STAB2: variants seen among roughly 807,000 people sequenced by gnomAD.
STAB2 encodes the protein stabilin 2, also known as stabilin-2.
Under a neutral mutation model 338.1 loss-of-function variants are expected in STAB2, and 288 were observed. The observed-to-expected ratio is 0.85, with a 90% CI of 0.77 to 0.94. The LOEUF (loss-of-function observed/expected upper bound fraction) is 0.94. Among genes scored for constraint, STAB2 ranks in the 40% least tolerant of loss-of-function variants. The pLI, the probability that STAB2 is intolerant of heterozygous loss-of-function variation, is 0.00. For missense variants in STAB2, 3,141 were observed against 3,210.1 expected, an observed-to-expected ratio of 0.98 and a Z score of 0.52; for synonymous variants, 1,202 against 1,193.3, an observed-to-expected ratio of 1.01 and a Z score of -0.15.
chr12:103,605,467 C>A (rs889492819), intron 3 of STAB2, among the ~76,000 whole-genome samples: 11 of 151,872 alleles, frequency 7.2e-5, no homozygotes, highest in Non-Finnish European at 1.5e-4. Context: ...CTTTTCTATA[C>A]TTAATAATTG....
At chr12:103,629,693 G>A (rs116847263) in intron 5 of STAB2, among the ~76,000 whole-genome samples, 321 of 152,314 alleles carry the variant, frequency 2.1e-3, no homozygotes, top group Non-Finnish European at 4.1e-3. Flanking sequence ...ACCTGGCATG[G>A]TCTTCCCTGG....
chr12:103,643,523 C>T (rs1458196585), intron 9 of STAB2, among the ~76,000 whole-genome samples: 1 of 152,090 alleles, frequency 6.6e-6, no homozygotes. Flanking sequence ...TCTGATGCCC[C>T]TCCCTCTGGG....
At chr12:103,662,529 G>A (rs562069623) in intron 17 of STAB2, among the ~76,000 whole-genome samples, 46 of 152,298 alleles carry the variant, frequency 3.0e-4, no homozygotes, top group Non-Finnish European at 5.4e-4. Context: ...ACCAGAGAGA[G>A]GTCAAAGAAT....
chr12:103,640,028 T>A, intron 8 of STAB2, 95 bp from the exon 9 acceptor site: 1 of 1,449,568 alleles, frequency 6.9e-7, no homozygotes, highest in Non-Finnish European at 9.3e-7. Flanking sequence ...TCTGAGTGAG[T>A]TTTTATGGAA....
chr12:103,642,566 G>A (rs2138701068), intron 9 of STAB2, among the ~76,000 whole-genome samples: 1 of 152,322 alleles, frequency 6.6e-6, no homozygotes, highest in African/African-American at 2.4e-5. Flanking sequence ...ATTCTCAGAT[G>A]GATCTAGTTT....
In STAB2 at chr12:103,737,742, G is replaced by C; in HGVS notation, c.5659G>C (p.Gly1887Arg). Reference protein sequence around the residue: ...IDCLLIDPTLGGRCDTFTTFD... With the variant: ...IDCLLIDPTLRGRCDTFTTFD... ...CTGTCTGCTGATTGATCCCACCCTG[G>C]GGGGCCGCTGTGACACCTTTACTAC... The change falls in exon 53 of 69, where the codon GGG becomes CGG. Residue 1887 changes from glycine (G) to arginine (R), a missense_variant. Physicochemically the swap from Gly to Arg is moderately radical, Grantham distance 125. Transcript: ENST00000388887. The C allele has an allele frequency of 1.2e-6, 2 of 1,613,886 alleles. No homozygotes were observed. The highest frequency in any genetic ancestry group is 1.7e-6 in the Non-Finnish European group (2 of 1,179,974).
At chr12:103,631,434 T>A in intron 5 of STAB2, among the ~76,000 whole-genome samples, 164 bp from the exon 6 acceptor site, 1 of 52,062 alleles carries the variant, frequency 1.9e-5, no homozygotes. Context: ...TATCCATATG[T>A]TAAACTTAAA....
chr12:103,631,711 C>T lies in STAB2; in HGVS notation c.583+18C>T. Reference sequence around the variant, plus strand: ...TGACAAGCGTAAGTACTGCTAGTTCCCTTAATGCCACACCAGATCAAACAG... The same window carrying T: ...TGACAAGCGTAAGTACTGCTAGTTCTCTTAATGCCACACCAGATCAAACAG... On this transcript the variant is annotated intron_variant, in intron 6 of 68. Coordinates refer to ENST00000388887, the MANE Select transcript of STAB2 (RefSeq NM_017564.10). The T allele has an allele frequency of 6.2e-7, 1 of 1,609,772 alleles. No homozygotes were observed. The highest frequency in any genetic ancestry group is 8.5e-7 in the Non-Finnish European group (1 of 1,176,048).
At position 103,728,908 on chromosome 12, in the gene STAB2, C is replaced by T; in HGVS notation, c.4995C>T (p.Ala1665=). The T allele has an allele frequency of 6.2e-7, 1 of 1,613,980 alleles. No individual in the cohort carries two copies. Among genetic ancestry groups the T allele is most frequent in the Non-Finnish European group, 8.5e-7 (1 of 1,179,878 alleles). The change falls in exon 48 of 69, where the codon GCC becomes GCT. Residue 1665 remains alanine, a synonymous_variant. Transcript: ENST00000388887. ...MPQVLRYHVV[A]CHQLLLENLK... ...AGGTTCTTCGGTACCATGTGGTCGC[C>T]TGCCACCAGCTGCTTCTGGAAAACC...
At chr12:103,606,712 T>C (rs142034092) in intron 3 of STAB2, among the ~76,000 whole-genome samples, 13 of 152,280 alleles carry the variant, frequency 8.5e-5, no homozygotes, top group African/African-American at 2.6e-4. Context: ...TGGCCAGGCA[T>C]GGTGGCTCAT....
At chr12:103,701,136 C>G (rs552713561) in intron 34 of STAB2, among the ~76,000 whole-genome samples, 3 of 151,498 alleles carry the variant, frequency 2.0e-5, no homozygotes, top group African/African-American at 4.9e-5. Flanking sequence ...AGTTTACTGA[C>G]AATGATGATT....
chr12:103,727,125 C>T (rs532509448), intron 46 of STAB2, 142 bp from the exon 47 acceptor site: 3 of 777,700 alleles, frequency 3.9e-6, no homozygotes, highest in African/African-American at 3.5e-5. Flanking sequence ...ATCTGGGTTT[C>T]ATTTGAATCC....
At chr12:103,757,996 A>G (rs1197504531) in intron 63 of STAB2, 174 bp from the exon 64 acceptor site, 2 of 901,392 alleles carry the variant, frequency 2.2e-6, no homozygotes, top group Non-Finnish European at 3.3e-6. Context: ...GAGGAAAGGA[A>G]AAGTCCTCAA....
intron 15 of STAB2, among the ~76,000 whole-genome samples, chr12:103,658,909 T>C (rs1424386681): frequency 6.6e-6 from 1 of 152,206 alleles, no homozygotes; most frequent in Non-Finnish European, 1.5e-5. Context: ...CAGTCCCCAC[T>C]TTGTCTGACT....
intron 2 of STAB2, among the ~76,000 whole-genome samples, chr12:103,593,292 A>G (rs1174442064): frequency 6.6e-6 from 1 of 152,154 alleles, no homozygotes; most frequent in Non-Finnish European, 1.5e-5. Flanking sequence ...AACAGTGTAC[A>G]GTTGTTCCCT....
intron 31 of STAB2, among the ~76,000 whole-genome samples, 181 bp from the exon 32 acceptor site, chr12:103,695,369 C>T (rs1202730362): frequency 1.3e-5 from 2 of 152,256 alleles, no homozygotes; most frequent in East Asian, 1.9e-4. Context: ...TCCAACTCTG[C>T]TCCAGCCTTG....
At position 103,587,381 on chromosome 12, in the gene STAB2, A is replaced by G. The variant is rs1259617512; in HGVS notation, c.-96A>G. On this transcript the variant is annotated 5_prime_UTR_variant, in exon 1 of 69. The change abolishes an upstream ATG in the 5' untranslated region. Coordinates refer to ENST00000388887, the MANE Select transcript of STAB2 (RefSeq NM_017564.10). Reference sequence around the variant, plus strand: ...AAGGGATTTAAAAGTAAACAGTGAAATGAGAAAGAATTCACTGGGAGTTTA... The same window carrying G: ...AAGGGATTTAAAAGTAAACAGTGAAGTGAGAAAGAATTCACTGGGAGTTTA... 1.0e-6 allele frequency: 1 copy of G among 996,230 alleles called. No homozygotes were observed. The highest frequency in any genetic ancestry group is 1.5e-6 in the Non-Finnish European group (1 of 654,982). 61.7% of individuals were successfully genotyped at this position (996,230 alleles called of 1,614,324 possible).
chr12:103,601,884 G>A (rs1956959304), intron 3 of STAB2, among the ~76,000 whole-genome samples: 1 of 152,136 alleles, frequency 6.6e-6, no homozygotes, highest in African/African-American at 2.4e-5. Flanking sequence ...AATAGAAATG[G>A]AATTTAATCA....
intron 3 of STAB2, among the ~76,000 whole-genome samples, chr12:103,602,325 T>C (rs1047204709): frequency 3.3e-5 from 5 of 152,238 alleles, no homozygotes; most frequent in African/African-American, 1.2e-4. Context: ...TCCTTTGCAG[T>C]ACTCCATTCT....
Sources: gnomAD v4.1 joint callset for allele counts (sites outside exome capture counted in the v4.1 genomes callset) on GRCh38, gnomAD v4.1.1 for gene constraint, MANE v1.5 for transcripts, NCBI Gene and HGNC (gene_info 2026-07-23, HGNC 2026-07-21) for gene names.